The following YY1 variants were observed in gnomAD, a reference collection of about 807,000 sequenced individuals.
YY1 encodes the protein YY1 transcription factor.
YY1 carries 2 observed loss-of-function variants against 35.6 expected under a neutral mutation model. The ratio of observed to expected loss-of-function variants is 0.06; its 90% confidence interval spans 0.02 to 0.18. The LOEUF (loss-of-function observed/expected upper bound fraction) is 0.18, where lower values mean the gene tolerates loss of function less well. Ranked by LOEUF, YY1 falls within the 10% of genes least tolerant of loss-of-function variation. YY1 has a pLI of 1.00. For missense variants in YY1, 322 were observed against 573.4 expected (o/e 0.56, Z 4.48); for synonymous variants, 268 against 238.9 (o/e 1.12, Z -1.12).
chr14:100,258,588 C>G (rs935869103), intron 1 of YY1, among the ~76,000 whole-genome samples: 2 of 152,078 alleles, frequency 1.3e-5, no homozygotes, highest in East Asian at 3.9e-4. Context: ...ATCCTGACCT[C>G]GTGATCCGCC....
rs752383069 is a variant in YY1 at position 100,239,463 on chromosome 14, CCACCAT to C, written c.225_230del (p.His79_His80del). ...ACGGGCACGCCGGCCACCACCACCA[CCACCAT>C]CACCACCACCACCACCCGCCCATGA... is the stretch of plus-strand genomic sequence containing the variant. On this transcript the variant is annotated inframe_deletion, in exon 1 of 5. Coordinates refer to ENST00000262238, the MANE Select transcript of YY1 (RefSeq NM_003403.5). 1.6e-4 allele frequency: 258 copies of C among 1,600,970 alleles called. 2 individuals are homozygous for C. In the East Asian group the frequency reaches 4.8e-3, roughly 30 times the overall value.
At chr14:100,256,047 G>A (rs575821592) in intron 1 of YY1, among the ~76,000 whole-genome samples, 1 of 152,138 alleles carries the variant, frequency 6.6e-6, no homozygotes, top group East Asian at 1.9e-4. Context: ...TGCAGCAGGA[G>A]GGTCACTTGA....
At chr14:100,253,653 A>G (rs919763242) in intron 1 of YY1, among the ~76,000 whole-genome samples, 1 of 152,012 alleles carries the variant, frequency 6.6e-6, no homozygotes, top group African/African-American at 2.4e-5. Flanking sequence ...CAGCCTCCCA[A>G]AGTGCTGGGA....
intron 2 of YY1, among the ~76,000 whole-genome samples, chr14:100,269,074 T>C (rs934034484): frequency 1.3e-5 from 2 of 152,192 alleles, no homozygotes; most frequent in African/African-American, 4.8e-5. Context: ...TCTCCCTCTC[T>C]ATTTGACAGG....
intron 2 of YY1, among the ~76,000 whole-genome samples, chr14:100,271,225 C>A (rs762425630): frequency 1.3e-5 from 2 of 151,650 alleles, no homozygotes; most frequent in African/African-American, 4.9e-5. Context: ...CCAGCCTGGG[C>A]GACAGAGCGA....
chr14:100,266,923 C>T (rs770505272), intron 2 of YY1, among the ~76,000 whole-genome samples: 13 of 151,994 alleles, frequency 8.6e-5, no homozygotes, highest in Non-Finnish European at 1.8e-4. Flanking sequence ...TATAATACAG[C>T]GAAATGAGGA....
intron 1 of YY1, among the ~76,000 whole-genome samples, chr14:100,247,144 A>T (rs1303968825): frequency 6.6e-6 from 1 of 152,168 alleles, no homozygotes; most frequent in African/African-American, 2.4e-5. Context: ...TTGGACTCCT[A>T]GGTGGATATT....
intron 1 of YY1, among the ~76,000 whole-genome samples, chr14:100,241,938 A>G (rs1387857158): frequency 1.6e-5 from 2 of 125,788 alleles, no homozygotes; most frequent in Admixed American, 9.5e-5. Flanking sequence ...TTGCACCACT[A>G]CACTCCAGCC....
chr14:100,239,203 G>T lies in YY1; in HGVS notation c.-42G>T. ...TCCTCGCCCGCCCGCCCGCAGCCGA[G>T]GAGCCGAGGCCGCCGCGGCCGTGGC... On this transcript the variant is annotated 5_prime_UTR_variant, in exon 1 of 5. The change creates a new upstream start codon in the 5' untranslated region. Transcript: ENST00000262238. The T allele has an allele frequency of 7.1e-7, 1 of 1,417,118 alleles. No individual in the cohort carries two copies. The highest frequency in any genetic ancestry group is 1.5e-5 in the South Asian group (1 of 68,488). 87.8% of individuals were successfully genotyped at this position (1,417,118 alleles called of 1,614,324 possible).
chr14:100,271,117 GAC>G (rs1378330164), intron 2 of YY1, among the ~76,000 whole-genome samples: 43 of 152,122 alleles, frequency 2.8e-4, no homozygotes, highest in African/African-American at 1.0e-3. Context: ...CATAGTGGCG[GAC>G]ACCTGTAGTC....
At chr14:100,245,855 C>A (rs1400443539) in intron 1 of YY1, among the ~76,000 whole-genome samples, 1 of 152,102 alleles carries the variant, frequency 6.6e-6, no homozygotes, top group African/African-American at 2.4e-5. Context: ...GATCCACCCA[C>A]CCCAGCCTCC....
intron 1 of YY1, among the ~76,000 whole-genome samples, chr14:100,246,917 A>G (rs1890841779): frequency 6.6e-6 from 1 of 152,212 alleles, no homozygotes; most frequent in Non-Finnish European, 1.5e-5. Context: ...CTGATCTGGT[A>G]GCTCTGAAAG....
chr14:100,242,622 T>C (rs1890767870), intron 1 of YY1, among the ~76,000 whole-genome samples: 1 of 152,042 alleles, frequency 6.6e-6, no homozygotes, highest in African/African-American at 2.4e-5. Flanking sequence ...TCTCCTAACC[T>C]CGTGATCCGC....
rs1157637086 is a variant in YY1, at chr14:100,269,064, TCTC to T, written c.843-5632_843-5630del. Among the ~76,000 whole-genome samples, 18 of 152,316 alleles carry T rather than the reference TCTC, an allele frequency of 1.2e-4. No homozygotes were observed. In the East Asian group the frequency reaches 3.5e-3, roughly 29 times the overall value. ...GGCAGTCATGTCATTGGGAGTGTAT[TCTC>T]CCTCTCTATTTGACAGGAAACTTGA... On this transcript the variant is annotated intron_variant, in intron 2 of 4. Transcript: ENST00000262238.
At position 100,276,798 on chromosome 14, in the gene YY1, G is replaced by A. The variant is rs1024081609; in HGVS notation, c.1062+150G>A. 51 of 1,149,480 alleles carry A rather than the reference G, an allele frequency of 4.4e-5. No individual in the cohort carries two copies. The African/African-American group carries it at 6.9e-4, about 16-fold the overall frequency. 71.2% of individuals were successfully genotyped at this position (1,149,480 alleles called of 1,614,324 possible). A position where few individuals can be genotyped will look rare whatever the true frequency, so the allele number is the denominator to read the frequency against. The stretch of plus-strand genomic sequence containing the variant: ...GAAACAAAACTTCTCCTGGGGAGTC[G>A]CTTAGAAGGGTTGCCGGGGCTCTGG... On this transcript the variant is annotated intron_variant, in intron 4 of 4. Transcript: ENST00000262238. This position sits in a 1 kb window ranked among gnomAD's most constrained non-coding sequence, Gnocchi z 4.1.
intron 1 of YY1, among the ~76,000 whole-genome samples, chr14:100,255,445 C>T (rs1471063833): frequency 6.6e-6 from 1 of 151,834 alleles, no homozygotes; most frequent in Non-Finnish European, 1.5e-5. Context: ...ATGGTGAAAC[C>T]CCATCTCTGC....
intron 2 of YY1, among the ~76,000 whole-genome samples, chr14:100,271,652 A>G (rs375805255): frequency 1.3e-5 from 2 of 151,572 alleles, no homozygotes; most frequent in South Asian, 2.1e-4. Context: ...CCTTATACAC[A>G]TAGCCTGAAG....
intron 1 of YY1, among the ~76,000 whole-genome samples, chr14:100,249,897 C>T (rs1890899672): frequency 1.3e-5 from 2 of 152,084 alleles, no homozygotes; most frequent in South Asian, 4.1e-4. Context: ...CTTCAGGTTC[C>T]TGAGTAGCTG....
chr14:100,241,965 A>C (rs1890750253), intron 1 of YY1, among the ~76,000 whole-genome samples: 1 of 97,348 alleles, frequency 1.0e-5, no homozygotes, highest in South Asian at 4.3e-4. Flanking sequence ...ACAGAGCGAG[A>C]CTCTGTCTCA....
Sources: allele counts gnomAD v4.1 joint callset (sites outside exome capture counted in the v4.1 genomes callset), GRCh38; gene constraint gnomAD v4.1.1; non-coding constraint Gnocchi (gnomAD v3.1); transcripts MANE v1.5; gene names NCBI Gene and HGNC (gene_info 2026-07-23, HGNC 2026-07-21).